Variants in SOX5 observed in about 807,000 individuals in gnomAD.
SOX5 encodes the protein SRY-box transcription factor 5.
A neutral mutation model predicts 92.0 loss-of-function variants in SOX5; 9 were observed. That is an observed-to-expected ratio of 0.10 (90% CI 0.06 to 0.17). SOX5 has a LOEUF of 0.17. Ranked by LOEUF, SOX5 falls within the 10% of genes least tolerant of loss-of-function variation. SOX5 has a pLI of 1.00. For missense variants in SOX5, 642 were observed against 944.5 expected, an observed-to-expected ratio of 0.68 and a Z score of 4.20; for synonymous variants, 344 against 336.3, an observed-to-expected ratio of 1.02 and a Z score of -0.25.
intron 6 of SOX5, 80 bp from the exon 7 acceptor site, chr12:23,665,644 A>T: frequency 6.8e-7 from 1 of 1,466,458 alleles, no homozygotes; most frequent in Middle Eastern, 1.8e-4. Context: ...ATTTCATGAT[A>T]AAAGAAAATC....
intron 6 of SOX5, among the ~76,000 whole-genome samples, chr12:23,691,052 G>A (rs1315930763): frequency 6.6e-6 from 1 of 152,164 alleles, no homozygotes; most frequent in African/African-American, 2.4e-5. Flanking sequence ...GCTCTCACAA[G>A]AGAGAGTTGG....
intron 1 of SOX5, among the ~76,000 whole-genome samples, chr12:23,920,985 T>G (rs992310170): frequency 3.3e-5 from 5 of 152,228 alleles, no homozygotes; most frequent in Admixed American, 2.6e-4. Context: ...GTATATTTTC[T>G]TCATTTCTAT....
At chr12:24,240,084 C>G (rs878972612) in intron 3 of SOX5, among the ~76,000 whole-genome samples, 1 of 152,120 alleles carries the variant, frequency 6.6e-6, no homozygotes, top group Non-Finnish European at 1.5e-5. Context: ...TATTTACTGC[C>G]TGAGTATTCC....
At chr12:23,901,926 A>G (rs138005294) in intron 1 of SOX5, among the ~76,000 whole-genome samples, 325 of 152,330 alleles carry the variant, frequency 2.1e-3, no homozygotes, top group South Asian at 6.6e-3. Flanking sequence ...AATAGAGTTC[A>G]ATAACAGTAT....
At chr12:23,559,030 G>A (rs11046975) in intron 11 of SOX5, among the ~76,000 whole-genome samples, 28,309 of 152,162 alleles carry the variant, frequency 0.19, 3,106 homozygotes, top group East Asian at 0.44. Flanking sequence ...TGACACAAAC[G>A]GAAAAGCTTC....
chr12:23,796,615 T>C (rs2095564839), intron 3 of SOX5, among the ~76,000 whole-genome samples: 1 of 151,976 alleles, frequency 6.6e-6, no homozygotes, highest in Non-Finnish European at 1.5e-5. Context: ...CTGGATTAAA[T>C]TCTCAAACTG....
intron 1 of SOX5, among the ~76,000 whole-genome samples, chr12:24,490,520 A>C (rs1946951418): frequency 6.6e-6 from 1 of 152,188 alleles, no homozygotes; most frequent in South Asian, 2.1e-4. Flanking sequence ...AACAGGTATG[A>C]AACCAGTGTG....
At position 23,754,898 on chromosome 12, in the gene SOX5, G is replaced by A. The variant is rs533342582; in HGVS notation, c.568+740C>T. On this transcript the variant is annotated intron_variant, in intron 4 of 14. Coordinates refer to ENST00000451604, the MANE Select transcript of SOX5 (RefSeq NM_006940.6). ...TAATATATAACTAAATATTTTATAC[G>A]GATGACTAAGTATCTTGATTTTCTT... is the stretch of plus-strand genomic sequence containing the variant. 7.5e-4 allele frequency among the ~76,000 whole-genome samples: 113 copies of A among 151,596 alleles called. 1 individual carries two copies. Among genetic ancestry groups the A allele is most frequent in the Non-Finnish European group, 1.0e-3 (70 of 67,776 alleles).
At chr12:24,294,398 C>G (rs1232509982) in intron 2 of SOX5, among the ~76,000 whole-genome samples, 1 of 152,038 alleles carries the variant, frequency 6.6e-6, no homozygotes, top group Non-Finnish European at 1.5e-5. Context: ...TAATATTAAT[C>G]TCAAATATAA....
At chr12:23,955,393 C>T (rs1036018826), upstream of SOX5, among the ~76,000 whole-genome samples, 8 of 152,208 alleles carry the variant, frequency 5.3e-5, no homozygotes, top group South Asian at 8.3e-4. Flanking sequence ...CTACTCTTCA[C>T]GTAATTTGGC....
chr12:23,956,703 G>T (rs1946329991), intron 4 of SOX5, among the ~76,000 whole-genome samples: 1 of 151,812 alleles, frequency 6.6e-6, no homozygotes, highest in South Asian at 2.1e-4. Flanking sequence ...TTAAGGGGAG[G>T]GGGACAGAGT....
At chr12:24,313,866 C>T (rs966865121) in intron 2 of SOX5, among the ~76,000 whole-genome samples, 103 of 152,262 alleles carry the variant, frequency 6.8e-4, no homozygotes, top group Middle Eastern at 3.4e-3. Context: ...GTTTTTAAAG[C>T]TTATCTATTC....
chr12:23,555,737 C>A (rs1401909090), intron 11 of SOX5, among the ~76,000 whole-genome samples: 1 of 152,276 alleles, frequency 6.6e-6, no homozygotes, highest in East Asian at 1.9e-4. Context: ...AAACTTCAAG[C>A]TCAAACAAAT....
intron 2 of SOX5, among the ~76,000 whole-genome samples, chr12:24,338,195 T>G (rs1378773940): frequency 6.6e-6 from 1 of 152,192 alleles, no homozygotes; most frequent in Non-Finnish European, 1.5e-5. Context: ...TATAAAAAAT[T>G]TATTTTATAG....
chr12:24,429,741 C>T (rs1380243963), intron 1 of SOX5, among the ~76,000 whole-genome samples: 2 of 151,956 alleles, frequency 1.3e-5, no homozygotes, highest in African/African-American at 4.8e-5. Context: ...TACTCAATAT[C>T]TAAAGCATAA....
intron 2 of SOX5, 128 bp downstream of exon 2, chr12:23,895,664 CA>C (rs1260776016): frequency 1.5e-6 from 1 of 671,726 alleles, no homozygotes; most frequent in South Asian, 1.9e-5. Flanking sequence ...TCTAAGACGC[CA>C]GGGGTGAATC....
chr12:24,402,546 T>G, intron 1 of SOX5, among the ~76,000 whole-genome samples: 1 of 152,190 alleles, frequency 6.6e-6, no homozygotes, highest in East Asian at 1.9e-4. Flanking sequence ...GGATATCACC[T>G]TGGGACTGGA....
intron 6 of SOX5, among the ~76,000 whole-genome samples, chr12:23,673,773 AC>A (rs1247618367): frequency 6.6e-6 from 1 of 152,096 alleles, no homozygotes; most frequent in African/African-American, 2.4e-5. Flanking sequence ...GGAGGGATGA[AC>A]TGGGGACACA....
chr12:24,424,153 G>A (rs1596487129), intron 1 of SOX5, among the ~76,000 whole-genome samples: 1 of 152,136 alleles, frequency 6.6e-6, no homozygotes, highest in East Asian at 1.9e-4. Flanking sequence ...TCTCCAAATT[G>A]TTTAGAAAAG....
Sources: allele counts gnomAD v4.1 joint callset (sites outside exome capture counted in the v4.1 genomes callset), GRCh38; gene constraint gnomAD v4.1.1; transcripts MANE v1.5; gene names NCBI Gene and HGNC (gene_info 2026-07-23, HGNC 2026-07-21).